COL28A1: variants seen among roughly 807,000 people sequenced by gnomAD.
COL28A1 encodes the protein collagen type XXVIII alpha 1 chain, also known as collagen alpha-1(XXVIII) chain.
Under a neutral mutation model 150.2 loss-of-function variants are expected in COL28A1, and 161 were observed. The ratio of observed to expected loss-of-function variants is 1.07; its 90% CI spans 0.94 to 1.22. The LOEUF (loss-of-function observed/expected upper bound fraction) is 1.22, where lower values mean the gene tolerates loss of function less well. Ranked by LOEUF, COL28A1 falls within the 50% of genes most tolerant of loss-of-function variation. COL28A1 has a pLI of 0.00. For synonymous variants in COL28A1, 552 were observed against 469.7 expected, an observed-to-expected ratio of 1.18 and a Z score of -2.26; for missense variants, 1,617 against 1,388.3, an observed-to-expected ratio of 1.16 and a Z score of -2.62.
At chr7:7,452,430 T>A in intron 17 of COL28A1, 43 bp from the exon 18 acceptor site, 1 of 1,566,204 alleles carries the variant, frequency 6.4e-7, no homozygotes, top group Non-Finnish European at 8.6e-7. Context: ...GTGAAAATAA[T>A]ATATTCCTGC....
At chr7:7,381,522 T>C (rs972064258) in intron 28 of COL28A1, 22 bp downstream of exon 28, 2 of 1,590,366 alleles carry the variant, frequency 1.3e-6, no homozygotes, top group Middle Eastern at 1.7e-4. Flanking sequence ...TAAGCATTTC[T>C]CTAAGATCCT....
Position 7,373,662 on chromosome 7 carries a change from C to T in COL28A1, c.2360-116G>A, listed in dbSNP as rs564922927. 9.3e-5 allele frequency: 74 copies of T among 799,202 alleles called. 1 individual carries two copies. In the South Asian group the frequency reaches 1.3e-3, roughly 14 times the overall value. 49.5% of individuals were successfully genotyped at this position (799,202 alleles called of 1,614,324 possible). On this transcript the variant is annotated intron_variant, in intron 31 of 34. Transcript: ENST00000399429. This position sits in a 1 kb window ranked among gnomAD's most constrained non-coding sequence, Gnocchi z 4.1. ...AGACCTAAACTATTCTCTTCCTTTT[C>T]TGTGATTGTGAAAATACCTGACAGC...
At position 7,434,769 on chromosome 7, in the gene COL28A1, A is replaced by G. The variant is rs995811089; in HGVS notation, c.1860+1626T>C. Among the ~76,000 whole-genome samples, 13 of 152,198 alleles carry G rather than the reference A, an allele frequency of 8.5e-5. 1 individual carries two copies. The highest frequency in any genetic ancestry group is 2.0e-4 in the Admixed American group (3 of 15,278). On this transcript the variant is annotated intron_variant, in intron 23 of 34. Coordinates refer to ENST00000399429, the MANE Select transcript of COL28A1 (RefSeq NM_001037763.3). Reference sequence around the variant, plus strand: ...AGGTTTTTATTTTGGACTCCTTACCATATTTTTATAGATGGAATTTTGCCA... The same window carrying G: ...AGGTTTTTATTTTGGACTCCTTACCGTATTTTTATAGATGGAATTTTGCCA...
At chr7:7,403,008 T>G (rs1375547112) in intron 27 of COL28A1, among the ~76,000 whole-genome samples, 1 of 152,176 alleles carries the variant, frequency 6.6e-6, no homozygotes. Flanking sequence ...ATCTACTATC[T>G]CACAGTCTGG....
chr7:7,532,220 C>G (rs923338649), intron 2 of COL28A1, among the ~76,000 whole-genome samples: 6 of 152,004 alleles, frequency 3.9e-5, no homozygotes, highest in African/African-American at 1.4e-4. Context: ...TTTAAAAATC[C>G]AACTAACACT....
At chr7:7,395,693 A>C (rs1252713453) in intron 27 of COL28A1, among the ~76,000 whole-genome samples, 3 of 152,248 alleles carry the variant, frequency 2.0e-5, no homozygotes, top group Admixed American at 2.0e-4. Context: ...ACTTTAGCAC[A>C]AAATTTTCTT....
At chr7:7,488,611 C>T (rs2128367377) in intron 13 of COL28A1, among the ~76,000 whole-genome samples, 1 of 152,202 alleles carries the variant, frequency 6.6e-6, no homozygotes, top group African/African-American at 2.4e-5. Flanking sequence ...TTTTCTTCTC[C>T]AACAACAGTA....
At chr7:7,384,348 T>A (rs1782061525) in intron 27 of COL28A1, among the ~76,000 whole-genome samples, 1 of 152,182 alleles carries the variant, frequency 6.6e-6, no homozygotes, top group Admixed American at 6.5e-5. Flanking sequence ...TAGGGATGAT[T>A]GGTCTTCTTT....
rs71010980 is a variant in COL28A1 at position 7,443,986 on chromosome 7, G to GTTTT, written c.1582-337_1582-334dup. On this transcript the variant is annotated intron_variant, in intron 19 of 34. Coordinates refer to ENST00000399429, the MANE Select transcript of COL28A1 (RefSeq NM_001037763.3). ...AAGACCTTCAGCCTTTCCATCTGCT[G>GTTTT]TTTTTTTTTTTTTTTTTTTTTGCTA... 8.4e-3 allele frequency among the ~76,000 whole-genome samples: 799 copies of GTTTT among 95,372 alleles called. 16 individuals are homozygous for GTTTT. The highest frequency in any genetic ancestry group is 0.035 in the Admixed American group (295 of 8,510). 62.6% of individuals were successfully genotyped at this position (95,372 alleles called of 152,430 possible). A position where few individuals can be genotyped will look rare whatever the true frequency, so the allele number is the denominator to read the frequency against.
chr7:7,351,169 C>T, the COL28A1 span, among the ~76,000 whole-genome samples: 1 of 152,108 alleles, frequency 6.6e-6, no homozygotes, highest in South Asian at 2.1e-4. Flanking sequence ...TTCTTCTCCC[C>T]CACTTTAGTC....
chr7:7,385,460 G>T (rs77230793), intron 27 of COL28A1, among the ~76,000 whole-genome samples: 2 of 152,170 alleles, frequency 1.3e-5, no homozygotes, highest in African/African-American at 4.8e-5. Flanking sequence ...GTGAATTATC[G>T]CTAGGAGTTA....
Position 7,436,481 on chromosome 7 carries a change from C to T in COL28A1, c.1792-18G>A, listed in dbSNP as rs752628190. On this transcript the variant is annotated intron_variant, in intron 22 of 34. Transcript: ENST00000399429. The stretch of plus-strand genomic sequence containing the variant: ...CTATCTCCCTGTACATTTCAAATAA[C>T]ATTTCACAGGCTACAGTTGTGCGAG... 2.6e-6 allele frequency: 3 copies of T among 1,132,474 alleles called. No homozygotes were observed. The highest frequency in any genetic ancestry group is 4.1e-6 in the Non-Finnish European group (3 of 740,198). 70.2% of individuals were successfully genotyped at this position (1,132,474 alleles called of 1,614,324 possible).
chr7:7,487,503 G>C (rs915075874), intron 13 of COL28A1, among the ~76,000 whole-genome samples: 1 of 152,082 alleles, frequency 6.6e-6, no homozygotes, highest in African/African-American at 2.4e-5. Context: ...ATGTGAACCT[G>C]GGAGGCAGAG....
chr7:7,541,710 GC>G, the COL28A1 span, among the ~76,000 whole-genome samples: 1 of 152,166 alleles, frequency 6.6e-6, no homozygotes, highest in Non-Finnish European at 1.5e-5. Flanking sequence ...GCTTTCTACA[GC>G]TTTTTTGGGC....
At chr7:7,417,614 C>G in intron 27 of COL28A1, 1 of 411,700 alleles carries the variant, frequency 2.4e-6, no homozygotes, top group Non-Finnish European at 4.2e-6. Flanking sequence ...GAGGGGAAAG[C>G]AACAAACCAT....
intron 26 of COL28A1, 22 bp from the exon 27 acceptor site, chr7:7,417,949 T>C (rs569887414): frequency 6.3e-7 from 1 of 1,589,202 alleles, no homozygotes; most frequent in South Asian, 1.1e-5. Context: ...TGGGGAGAAT[T>C]TGAAGACAAA....
chr7:7,447,500 A>G (rs1687032264), intron 18 of COL28A1, among the ~76,000 whole-genome samples: 1 of 151,904 alleles, frequency 6.6e-6, no homozygotes, highest in South Asian at 2.1e-4. Context: ...CTTTGTGTTG[A>G]GAAAAATCAA....
Position 7,360,448 on chromosome 7 carries a change from TGAG to T in COL28A1, c.3144_3146del (p.Ser1050del), listed in dbSNP as rs760755169. On this transcript the variant is annotated inframe_deletion, in exon 34 of 35. Coordinates refer to ENST00000399429, the MANE Select transcript of COL28A1 (RefSeq NM_001037763.3). The stretch of plus-strand genomic sequence containing the variant: ...GCCTGGGGGTGGTGGTGGCCTCAGA[TGAG>T]GTAGTGGCAGGCAGATCATCAGCCC... The T allele has an allele frequency of 1.2e-6, 2 of 1,608,340 alleles. No individual in the cohort carries two copies. Among genetic ancestry groups the T allele is most frequent in the East Asian group, 4.5e-5 (2 of 44,418 alleles).
At chr7:7,338,479 T>C in the COL28A1 span, among the ~76,000 whole-genome samples, 3 of 152,134 alleles carry the variant, frequency 2.0e-5, no homozygotes, top group Non-Finnish European at 4.4e-5. Context: ...GTGTTCTTGA[T>C]TTGGCTCTCA....
Sources: allele counts gnomAD v4.1 joint callset (sites outside exome capture counted in the v4.1 genomes callset), GRCh38; gene constraint gnomAD v4.1.1; non-coding constraint Gnocchi (gnomAD v3.1); transcripts MANE v1.5; gene names NCBI Gene and HGNC (gene_info 2026-07-23, HGNC 2026-07-21).